CTXND1: variants seen among roughly 807,000 people sequenced by gnomAD.
CTXND1 encodes cortexin domain containing 1.
chr15:80,201,968 G>T lies in CTXND1; in HGVS notation c.-19C>A, dbSNP rs2041452359. On this transcript the variant is annotated 5_prime_UTR_variant, in exon 3 of 3. Coordinates refer to ENST00000560778, the MANE Select transcript of CTXND1 (RefSeq NM_001352888.2). ...CCTCCATCTCGCGGCAGCGACTGCG[G>T]GCTGCTCCTCCTCCGCCTCGGGTTT... 2.5e-6 allele frequency: 1 copy of T among 399,164 alleles called. No homozygotes were observed. The highest frequency in any genetic ancestry group is 2.0e-5 in the African/African-American group (1 of 48,784). 24.7% of individuals were successfully genotyped at this position (399,164 alleles called of 1,614,324 possible). A position where few individuals can be genotyped will look rare whatever the true frequency, so the allele number is the denominator to read the frequency against.
chr15:80,212,773 G>A (rs888168651), intron 1 of CTXND1, among the ~76,000 whole-genome samples: 1 of 152,160 alleles, frequency 6.6e-6, no homozygotes, highest in African/African-American at 2.4e-5. Flanking sequence ...AAAAGGGACA[G>A]AGACAAAATG....
rs1326268390 is a variant in CTXND1 at position 80,238,935 on chromosome 15, A to G, written c.-218+13072T>C. 4.6e-5 allele frequency among the ~76,000 whole-genome samples: 7 copies of G among 152,198 alleles called. No individual in the cohort carries two copies. In the East Asian group the frequency reaches 5.8e-4, roughly 13 times the overall value. On this transcript the variant is annotated intron_variant, in intron 1 of 2. Transcript: ENST00000560778. ...ATCTAGGTCTGTGTAAGCACATGCT[A>G]TGATGTTCACATAAGAACGACATCC...
intron 1 of CTXND1, among the ~76,000 whole-genome samples, chr15:80,212,739 G>A (rs1893214081): frequency 6.6e-6 from 1 of 152,156 alleles, no homozygotes; most frequent in South Asian, 2.1e-4. Flanking sequence ...TGTTATATCA[G>A]CAGAAACACT....
chr15:80,205,549 G>T (rs117501719), intron 1 of CTXND1, among the ~76,000 whole-genome samples: 15 of 152,218 alleles, frequency 9.9e-5, no homozygotes, highest in Non-Finnish European at 2.2e-4. Flanking sequence ...CATAGAAATT[G>T]ACCCTCCCAG....
intron 1 of CTXND1, among the ~76,000 whole-genome samples, chr15:80,245,739 C>A (rs1893620834): frequency 6.6e-6 from 1 of 152,116 alleles, no homozygotes; most frequent in East Asian, 1.9e-4. Flanking sequence ...CCCCTTTCTG[C>A]CACCACCCTC....
intron 1 of CTXND1, among the ~76,000 whole-genome samples, chr15:80,211,427 T>C (rs1194175756): frequency 6.6e-6 from 1 of 152,200 alleles, no homozygotes; most frequent in Non-Finnish European, 1.5e-5. Context: ...GTTAAATGGA[T>C]GGCATTTGCT....
Position 80,198,056 on chromosome 15 carries a change from A to C in CTXND1, c.*3714T>G, listed in dbSNP as rs2041429379. 6.6e-6 allele frequency: 1 copy of C among 152,184 alleles called. No individual in the cohort carries two copies. Among genetic ancestry groups the C allele is most frequent in the Non-Finnish European group, 1.5e-5 (1 of 68,042 alleles). The allele number at this position is 152,184 out of a possible 1,614,324, so 9.4% of individuals were successfully genotyped here. ...CTTAGAGGCCACATTTCTTCTAGTGACCATCACTCTGAACTCTTGGTTCTG... is the reference window on the plus strand; with the variant it reads ...CTTAGAGGCCACATTTCTTCTAGTGCCCATCACTCTGAACTCTTGGTTCTG... On this transcript the variant is annotated 3_prime_UTR_variant, in exon 3 of 3. Transcript: ENST00000560778.
At position 80,239,933 on chromosome 15, in the gene CTXND1, G is replaced by A. The variant is rs114083466; in HGVS notation, c.-218+12074C>T. ...TTTCTCATCCCAAATATTCACTTTT[G>A]TGCTTACTTTTGTTTTCATAATTTT... On this transcript the variant is annotated intron_variant, in intron 1 of 2. Coordinates refer to ENST00000560778, the MANE Select transcript of CTXND1 (RefSeq NM_001352888.2). Among the ~76,000 whole-genome samples, 952 of 152,124 alleles carry A rather than the reference G, an allele frequency of 6.3e-3. 13 individuals carry two copies. Among genetic ancestry groups the A allele is most frequent in the African/African-American group, 0.022 (900 of 41,486 alleles).
chr15:80,215,455 T>C (rs1302965369), intron 1 of CTXND1, among the ~76,000 whole-genome samples: 1 of 152,110 alleles, frequency 6.6e-6, no homozygotes, highest in East Asian at 1.9e-4. Flanking sequence ...TTCCAGAGGG[T>C]ATGTCTCCTC....
intron 1 of CTXND1, among the ~76,000 whole-genome samples, chr15:80,235,930 T>C (rs1168980424): frequency 6.6e-6 from 1 of 150,516 alleles, no homozygotes; most frequent in African/African-American, 2.5e-5. Flanking sequence ...ATAAAGCACT[T>C]AGAAGAGTGT....
At chr15:80,218,015 T>C (rs188294972) in intron 1 of CTXND1, among the ~76,000 whole-genome samples, 17 of 152,352 alleles carry the variant, frequency 1.1e-4, no homozygotes, top group South Asian at 6.2e-4. Context: ...TATAGGAATC[T>C]GGGAAATGTA....
At chr15:80,218,138 A>G (rs879522455) in intron 1 of CTXND1, among the ~76,000 whole-genome samples, 17 of 151,956 alleles carry the variant, frequency 1.1e-4, no homozygotes, top group Admixed American at 7.2e-4. Context: ...TCTGCTTATT[A>G]GTATATGTAT....
chr15:80,207,366 C>G (rs1893158333), intron 1 of CTXND1, among the ~76,000 whole-genome samples: 1 of 151,896 alleles, frequency 6.6e-6, no homozygotes, highest in Non-Finnish European at 1.5e-5. Flanking sequence ...TTGTCTTTAA[C>G]TATGTCCCAT....
chr15:80,206,165 G>A (rs144959393), intron 1 of CTXND1, among the ~76,000 whole-genome samples: 84 of 152,236 alleles, frequency 5.5e-4, no homozygotes, highest in African/African-American at 1.7e-3. Context: ...AAAGTAAGAC[G>A]CAAACATTAG....
intron 1 of CTXND1, among the ~76,000 whole-genome samples, chr15:80,219,846 T>A (rs981463500): frequency 6.6e-6 from 1 of 152,180 alleles, no homozygotes; most frequent in Non-Finnish European, 1.5e-5. Flanking sequence ...CTATGTTAAT[T>A]TTCTCTTTCT....
intron 1 of CTXND1, among the ~76,000 whole-genome samples, chr15:80,204,672 T>TATATAC (rs898718335): frequency 8.0e-6 from 1 of 124,836 alleles, no homozygotes; most frequent in African/African-American, 3.6e-5. Flanking sequence ...TATATATATA[T>TATATAC]ACCACATTTT....
chr15:80,218,277 A>T (rs1893274698), intron 1 of CTXND1, among the ~76,000 whole-genome samples: 1 of 152,102 alleles, frequency 6.6e-6, no homozygotes, highest in Non-Finnish European at 1.5e-5. Flanking sequence ...CTAGGACTAC[A>T]GGTGTGTATC....
intron 1 of CTXND1, among the ~76,000 whole-genome samples, chr15:80,248,527 C>T (rs753904628): frequency 6.6e-6 from 1 of 152,204 alleles, no homozygotes; most frequent in African/African-American, 2.4e-5. Flanking sequence ...CCTAAGCCAA[C>T]TCCAGGCAGT....
chr15:80,206,263 A>C (rs1018810712), intron 1 of CTXND1, among the ~76,000 whole-genome samples: 3 of 152,262 alleles, frequency 2.0e-5, no homozygotes, highest in African/African-American at 7.2e-5. Flanking sequence ...TAAAATTTAC[A>C]TGTAGTGAAA....
Sources: gnomAD v4.1 joint callset for allele counts (sites outside exome capture counted in the v4.1 genomes callset) on GRCh38, gnomAD v4.1.1 for gene constraint, MANE v1.5 for transcripts, NCBI Gene and HGNC (gene_info 2026-07-23, HGNC 2026-07-21) for gene names.